MORC3: variants seen among roughly 807,000 people sequenced by gnomAD.
MORC3 encodes the protein MORC family CW-type zinc finger 3.
In MORC3, 31 loss-of-function variants were observed where a neutral mutation model predicts 109.1. The ratio of observed to expected loss-of-function variants is 0.28; its 90% CI spans 0.21 to 0.38. The LOEUF is 0.38. Ranked by LOEUF, MORC3 falls within the 10% of genes least tolerant of loss-of-function variation. MORC3 has a pLI of 1.00. For missense variants in MORC3, 867 were observed against 1,135.8 expected (o/e 0.76, Z 3.40); for synonymous variants, 395 against 380.7 (o/e 1.04, Z -0.44).
chr21:36,369,759 C>T lies in MORC3; in HGVS notation c.2391C>T (p.Cys797=). The change falls in exon 15 of 17, where the codon TGC becomes TGT. Residue 797 remains cysteine, a synonymous_variant. Transcript: ENST00000400485. The part of the protein sequence containing the change: ...CSALQHVKAE[C]SQCSNNESKS... ...CTTTGCAACATGTAAAGGCTGAATG[C>T]AGCCAGTGTTCCAATAATGAGAGTA... 6.2e-7 allele frequency: 1 copy of T among 1,614,222 alleles called. No individual in the cohort carries two copies. The highest frequency in any genetic ancestry group is 8.5e-7 in the Non-Finnish European group (1 of 1,180,050).
intron 9 of MORC3, among the ~76,000 whole-genome samples, chr21:36,350,560 A>AAAT (rs924869523): frequency 2.0e-5 from 3 of 151,320 alleles, no homozygotes; most frequent in Non-Finnish European, 4.4e-5. Context: ...AAAAAAAAAA[A>AAAT]AATTTCGGTT....
chr21:36,338,662 T>A, intron 4 of MORC3, 112 bp from the exon 5 acceptor site: 1 of 1,082,616 alleles, frequency 9.2e-7, no homozygotes, highest in Non-Finnish European at 1.3e-6. Flanking sequence ...AAAAAAAACC[T>A]TAGAAAATTA....
At chr21:36,372,683 A>T (rs1269945630) in intron 16 of MORC3, 152 bp downstream of exon 16, 4 of 741,186 alleles carry the variant, frequency 5.4e-6, no homozygotes, top group Admixed American at 7.7e-5. Flanking sequence ...GATAAAAAAG[A>T]AGTGACACTT....
At chr21:36,328,539 C>T (rs898516133) in intron 1 of MORC3, among the ~76,000 whole-genome samples, 12 of 152,144 alleles carry the variant, frequency 7.9e-5, no homozygotes, top group Non-Finnish European at 1.5e-4. Context: ...CAAGGTTTCG[C>T]CATGTTGGCC....
chr21:36,367,058 GCTTGGTTGGAAACTTAAAGTCGAGACCT>G, intron 14 of MORC3, among the ~76,000 whole-genome samples: 1 of 152,302 alleles, frequency 6.6e-6, no homozygotes, highest in Middle Eastern at 3.4e-3. Flanking sequence ...AGAACCAGAG[GCTTGGTTGGAAACTTAAAGTCGAGACCT>G]CTTTCCAACC....
chr21:36,337,504 G>A (rs975415035), intron 3 of MORC3, among the ~76,000 whole-genome samples: 4 of 151,916 alleles, frequency 2.6e-5, no homozygotes, highest in African/African-American at 7.3e-5. Flanking sequence ...GGGAAAACAC[G>A]TCAAGATAGA....
chr21:36,346,724 G>A (rs1416385600), intron 8 of MORC3, among the ~76,000 whole-genome samples: 2 of 152,070 alleles, frequency 1.3e-5, no homozygotes, highest in Non-Finnish European at 2.9e-5. Context: ...TGGGAGGATT[G>A]CTTGAGCCCA....
rs564350034 is a variant in MORC3, at chr21:36,375,291, A to G, written c.2815A>G (p.Thr939Ala). 2 of 1,610,032 alleles carry G rather than the reference A, an allele frequency of 1.2e-6. No individual in the cohort carries two copies. The highest frequency in any genetic ancestry group is 4.5e-5 in the East Asian group (2 of 44,834). Residue 939 changes from threonine to alanine, a missense_variant, in exon 17 of 17, where the codon ACT (threonine) becomes GCT (alanine). Transcript: ENST00000400485. ...VVEQMSEISST is the reference protein window; with the variant it reads ...VVEQMSEISSA ...TGAACAAATGAGTGAAATCAGTAGT[A>G]CTTAAAGTATATGTTATGTAAGATA...
chr21:36,362,265 A>G (rs779663297), intron 13 of MORC3, 37 bp downstream of exon 13: 2 of 1,529,800 alleles, frequency 1.3e-6, no homozygotes, highest in African/African-American at 1.4e-5. Flanking sequence ...TTTTTTAAAT[A>G]GAGATGGGGG....
intron 1 of MORC3, chr21:36,320,526 C>T (rs1031938930): frequency 2.1e-5 from 8 of 379,558 alleles, no homozygotes; most frequent in East Asian, 1.8e-4. Context: ...TGTTTTGCTT[C>T]GGGGCGGGCC....
intron 1 of MORC3, chr21:36,333,330 G>T: frequency 3.5e-6 from 1 of 288,836 alleles, no homozygotes; most frequent in Non-Finnish European, 6.4e-6. Context: ...GGATTTTAGG[G>T]CCTTGGCTGG....
rs564550354 is a variant in MORC3, at chr21:36,351,670, C to A, written c.1103+2262C>A. ...GTGTATGTACCATAGTTTTTTTATT[C>A]ATTTATTCGTTAATGGATGCTGACA... On this transcript the variant is annotated intron_variant, in intron 9 of 16. Transcript: ENST00000400485. 2.1e-3 allele frequency among the ~76,000 whole-genome samples: 319 copies of A among 152,082 alleles called. 1 individual carries two copies. Among genetic ancestry groups the A allele is most frequent in the South Asian group, 6.6e-3 (32 of 4,814 alleles).
intron 3 of MORC3, 50 bp downstream of exon 3, chr21:36,337,056 G>C (rs779251056): frequency 2.6e-5 from 41 of 1,581,800 alleles, no homozygotes; most frequent in Non-Finnish European, 3.4e-5. Flanking sequence ...TTACCTAAAG[G>C]GTTTTCCATG....
chr21:36,326,925 T>C (rs1272405580), intron 1 of MORC3, among the ~76,000 whole-genome samples: 2 of 151,350 alleles, frequency 1.3e-5, no homozygotes, highest in Non-Finnish European at 2.9e-5. Context: ...AAGCGATTCT[T>C]GTGCCTCAGC....
chr21:36,345,369 GC>G (rs2085496012), intron 8 of MORC3, among the ~76,000 whole-genome samples: 1 of 151,718 alleles, frequency 6.6e-6, no homozygotes, highest in Non-Finnish European at 1.5e-5. Context: ...TGCTGCCTCA[GC>G]CTCCCAAGTA....
At chr21:36,321,852 C>A (rs2085198291) in intron 1 of MORC3, among the ~76,000 whole-genome samples, 1 of 152,178 alleles carries the variant, frequency 6.6e-6, no homozygotes, top group Non-Finnish European at 1.5e-5. Context: ...CGCCCCCAGG[C>A]CCTTGTAGAC....
chr21:36,353,932 A>T (rs1350615928), intron 9 of MORC3, among the ~76,000 whole-genome samples: 1 of 150,470 alleles, frequency 6.6e-6, no homozygotes, highest in East Asian at 2.0e-4. Flanking sequence ...TTAGCCGGGC[A>T]TGGTGGTGGG....
chr21:36,325,968 A>G (rs1217131220), intron 1 of MORC3, among the ~76,000 whole-genome samples: 1 of 152,184 alleles, frequency 6.6e-6, no homozygotes, highest in East Asian at 1.9e-4. Context: ...GCACTTTGGG[A>G]GGCCGAGGCA....
intron 14 of MORC3, among the ~76,000 whole-genome samples, chr21:36,365,066 A>C (rs867771033): frequency 1.3e-5 from 2 of 151,762 alleles, no homozygotes; most frequent in Non-Finnish European, 2.9e-5. Flanking sequence ...AAAAAAAAAA[A>C]AAAACATGAA....
Sources: allele counts gnomAD v4.1 joint callset (sites outside exome capture counted in the v4.1 genomes callset), GRCh38; gene constraint gnomAD v4.1.1; transcripts MANE v1.5; gene names NCBI Gene and HGNC (gene_info 2026-07-23, HGNC 2026-07-21).